Variants in ABAT observed in about 807,000 individuals in gnomAD.
ABAT encodes 4-aminobutyrate aminotransferase, mitochondrial.
A neutral mutation model predicts 64.6 loss-of-function variants in ABAT; 45 were observed. The observed-to-expected ratio is 0.70, with a 90% CI of 0.55 to 0.89. The LOEUF (loss-of-function observed/expected upper bound fraction) is 0.89, where lower values mean the gene tolerates loss of function less well. Among genes scored for constraint, ABAT ranks in the 40% least tolerant of loss-of-function variants. The pLI, the probability that ABAT is intolerant of heterozygous loss-of-function variation, is 0.00. For missense variants in ABAT, 633 were observed against 658.4 expected (o/e 0.96, Z 0.42); for synonymous variants, 297 against 250.5 (o/e 1.19, Z -1.75).
intron 1 of ABAT, among the ~76,000 whole-genome samples, chr16:8,727,977 G>A (rs2058606177): frequency 6.6e-6 from 1 of 152,190 alleles, no homozygotes; most frequent in Non-Finnish European, 1.5e-5. Context: ...CGGCTGAGAT[G>A]GGAAGATTGC....
At chr16:8,750,668 G>T in intron 5 of ABAT, 129 bp downstream of exon 5, 18 of 834,496 alleles carry the variant, frequency 2.2e-5, no homozygotes, top group Non-Finnish European at 3.1e-5. Context: ...TTCACCCAAG[G>T]GTAGGAAAAA....
intron 3 of ABAT, among the ~76,000 whole-genome samples, chr16:8,747,205 G>A (rs1439791236): frequency 1.3e-5 from 2 of 152,290 alleles, no homozygotes; most frequent in East Asian, 3.9e-4. Context: ...AAACAACAGT[G>A]AAAGAACATG....
chr16:8,748,037 C>T (rs1381065711), intron 3 of ABAT, 71 bp from the exon 4 acceptor site: 17 of 1,466,734 alleles, frequency 1.2e-5, no homozygotes, highest in Non-Finnish European at 1.4e-5. Context: ...CTTGGGAAAA[C>T]ATGAAAGATT....
chr16:8,740,118 G>T (rs2059121588), intron 2 of ABAT, among the ~76,000 whole-genome samples: 1 of 152,024 alleles, frequency 6.6e-6, no homozygotes, highest in Non-Finnish European at 1.5e-5. Context: ...TTCAAGTCAG[G>T]GAAATTAAGT....
In ABAT at chr16:8,776,662, G is replaced by A. The variant is rs910364908; in HGVS notation, c.1269+172G>A. 5.3e-5 allele frequency among the ~76,000 whole-genome samples: 8 copies of A among 152,206 alleles called. No individual in the cohort carries two copies. The highest frequency in any genetic ancestry group is 1.9e-4 in the African/African-American group (8 of 41,458). On this transcript the variant is annotated intron_variant, in intron 14 of 15. Transcript: ENST00000268251. This position sits in a 1 kb window ranked among gnomAD's most constrained non-coding sequence, Gnocchi z 4.4. ...TGCACATGCTGTGTCCTCTGCAGGG[G>A]ATGCCTCCCTATCCCTCCATCCCAT... is the stretch of plus-strand genomic sequence containing the variant.
chr16:8,766,296 G>T (rs187620076), intron 9 of ABAT, 26 bp downstream of exon 9: 16 of 1,609,236 alleles, frequency 9.9e-6, no homozygotes, highest in Non-Finnish European at 1.4e-5. Flanking sequence ...CTTGCACCAC[G>T]TACATCTGGG....
intron 1 of ABAT, among the ~76,000 whole-genome samples, chr16:8,709,372 T>G (rs1322329922): frequency 6.6e-6 from 1 of 151,582 alleles, no homozygotes; most frequent in Non-Finnish European, 1.5e-5. Flanking sequence ...ATTTATTTAT[T>G]TATTTATTTA....
Position 8,743,618 on chromosome 16 carries a change from TATATG to T in ABAT, c.71-2378_71-2374del, listed in dbSNP as rs2059240906. Among the ~76,000 whole-genome samples the T allele has an allele frequency of 4.9e-5, 7 of 143,112 alleles. No homozygotes were observed. In the South Asian group the frequency reaches 1.5e-3, roughly 30 times the overall value. 93.9% of individuals were successfully genotyped at this position (143,112 alleles called of 152,430 possible). On this transcript the variant is annotated intron_variant, in intron 2 of 15. Coordinates refer to ENST00000268251, the MANE Select transcript of ABAT (RefSeq NM_020686.6). ...TGTAATATATAATATATATTTTAGT[TATATG>T]ATATATATTTTAGTTATAATATATA...
At position 8,738,016 on chromosome 16, in the gene ABAT, G is replaced by GAAAGAAA. The variant is rs377342959; in HGVS notation, c.70+2207_70+2208insAAAGAAA. 2.9e-3 allele frequency among the ~76,000 whole-genome samples: 169 copies of GAAAGAAA among 57,684 alleles called. 8 individuals are homozygous for GAAAGAAA. Among genetic ancestry groups the GAAAGAAA allele is most frequent in the Admixed American group, 0.012 (62 of 5,210 alleles). 37.8% of individuals were successfully genotyped at this position (57,684 alleles called of 152,430 possible). A position where few individuals can be genotyped will look rare whatever the true frequency, so the allele number is the denominator to read the frequency against. ...GGAAAGAAAGAAAGAAAGAAAGAAA[G>GAAAGAAA]GAAAGAAAGAAAGAAGGACAGACAG... is the stretch of plus-strand genomic sequence containing the variant. On this transcript the variant is annotated intron_variant, in intron 2 of 15. Transcript: ENST00000268251.
Position 8,768,254 on chromosome 16 carries a change from T to C in ABAT, c.665T>C (p.Met222Thr), listed in dbSNP as rs1473033047. 5.6e-6 allele frequency: 9 copies of C among 1,613,856 alleles called. No homozygotes were observed. The highest frequency in any genetic ancestry group is 1.1e-5 in the South Asian group (1 of 91,060). The change falls in exon 10 of 16, where the codon ATG (methionine) becomes ACG (threonine). Residue 222 changes from methionine to threonine, a missense_variant and splice_region_variant. Met to Thr is a moderately conservative substitution (Grantham distance 81, BLOSUM62 -1). Coordinates refer to ENST00000268251, the MANE Select transcript of ABAT (RefSeq NM_020686.6). ...ATGGGCGCGTTCCATGGGAGGACCA[T>C]GGGTAAGGAGGGACCATTGCGCTCC... ...SFMGAFHGRT[M>T]GCLATTHSKA...
chr16:8,747,285 G>T (rs572113122), intron 3 of ABAT, among the ~76,000 whole-genome samples: 1 of 152,180 alleles, frequency 6.6e-6, no homozygotes, highest in South Asian at 2.1e-4. Flanking sequence ...TTTTTTCTTT[G>T]CACATTTTGC....
rs1475492680 is a variant in ABAT at position 8,705,206 on chromosome 16, A to G, written c.-41-30493A>G. On this transcript the variant is annotated intron_variant, in intron 1 of 15. Coordinates refer to ENST00000268251, the MANE Select transcript of ABAT (RefSeq NM_020686.6). Reference sequence around the variant, plus strand: ...ATGGCTGGGAGGCCTCAGGAAATTTACAATCATGGCAGAAAGTGAAGGGGA... The same window carrying G: ...ATGGCTGGGAGGCCTCAGGAAATTTGCAATCATGGCAGAAAGTGAAGGGGA... Among the ~76,000 whole-genome samples the G allele has an allele frequency of 7.9e-5, 12 of 152,340 alleles. No individual in the cohort carries two copies. The South Asian group carries it at 2.5e-3, about 32-fold the overall frequency.
intron 1 of ABAT, among the ~76,000 whole-genome samples, chr16:8,697,506 C>T (rs989979211): frequency 1.1e-4 from 17 of 152,082 alleles, no homozygotes; most frequent in African/African-American, 1.2e-4. Context: ...TGGAAATGCC[C>T]GGAACAGTCC....
intron 3 of ABAT, among the ~76,000 whole-genome samples, chr16:8,747,432 G>A (rs892238719): frequency 8.6e-5 from 13 of 151,994 alleles, no homozygotes; most frequent in Non-Finnish European, 1.6e-4. Context: ...CTAACAAAAC[G>A]GGAGACATTT....
chr16:8,771,255 A>G (rs1013726634), intron 11 of ABAT, among the ~76,000 whole-genome samples: 1 of 151,428 alleles, frequency 6.6e-6, no homozygotes, highest in African/African-American at 2.4e-5. Flanking sequence ...AGATTGCGCT[A>G]TTGCACTCCA....
At chr16:8,686,797 G>A (rs1405945215) in intron 1 of ABAT, among the ~76,000 whole-genome samples, 4 of 152,182 alleles carry the variant, frequency 2.6e-5, no homozygotes, top group African/African-American at 7.2e-5. Context: ...TAATGTCTTT[G>A]CACCTAATGA....
intron 5 of ABAT, among the ~76,000 whole-genome samples, chr16:8,756,873 C>T (rs2059662268): frequency 6.6e-6 from 1 of 152,308 alleles, no homozygotes; most frequent in Admixed American, 6.5e-5. Context: ...AGAGCAATTG[C>T]TGAATCCGAG....
intron 1 of ABAT, among the ~76,000 whole-genome samples, chr16:8,685,153 G>A (rs1253959492): frequency 6.6e-6 from 1 of 151,406 alleles, no homozygotes; most frequent in Non-Finnish European, 1.5e-5. Context: ...AAGCATGGTG[G>A]TGCGTGCCTA....
intron 2 of ABAT, among the ~76,000 whole-genome samples, chr16:8,740,201 G>C (rs1022430636): frequency 2.0e-5 from 3 of 152,112 alleles, no homozygotes; most frequent in Non-Finnish European, 4.4e-5. Context: ...CAGGACCCGA[G>C]CCACTGTATT....
Sources: gnomAD v4.1 joint callset for allele counts (sites outside exome capture counted in the v4.1 genomes callset) on GRCh38, gnomAD v4.1.1 for gene constraint, Gnocchi (gnomAD v3.1) non-coding constraint, MANE v1.5 for transcripts, NCBI Gene and HGNC (gene_info 2026-07-23, HGNC 2026-07-21) for gene names.